The following RSPH6A variants were observed in gnomAD, a reference collection of about 807,000 sequenced individuals.
RSPH6A encodes the protein radial spoke head protein 6 homolog A.
RSPH6A carries 49 observed loss-of-function variants against 66.1 expected under a neutral mutation model. That is an observed-to-expected ratio of 0.74 (90% CI 0.59 to 0.94). The LOEUF (loss-of-function observed/expected upper bound fraction) is 0.94. Ranked by LOEUF, RSPH6A falls within the 40% of genes least tolerant of loss-of-function variation. The pLI is 0.00. For synonymous variants in RSPH6A, 419 were observed against 402.4 expected, an observed-to-expected ratio of 1.04 and a Z score of -0.49; for missense variants, 977 against 948.3, an observed-to-expected ratio of 1.03 and a Z score of -0.40.
At chr19:45,811,916 G>A (rs1363015201) in intron 1 of RSPH6A, among the ~76,000 whole-genome samples, 2 of 150,496 alleles carry the variant, frequency 1.3e-5, no homozygotes, top group East Asian at 3.9e-4. Context: ...GAGTAGCTGG[G>A]ACTACAGGTG....
At chr19:45,796,670 G>A (rs1004928257) in intron 5 of RSPH6A, among the ~76,000 whole-genome samples, 8 of 151,612 alleles carry the variant, frequency 5.3e-5, no homozygotes, top group Admixed American at 1.3e-4. Flanking sequence ...ACACCACCTC[G>A]CCCAGCTAAT....
intron 3 of RSPH6A, among the ~76,000 whole-genome samples, chr19:45,803,993 C>CA (rs55863032): frequency 0.011 from 1,175 of 103,258 alleles, 14 homozygotes; most frequent in African/African-American, 0.029. Context: ...GACTCTGTCT[C>CA]AAAAAAAAAA....
chr19:45,805,139 G>T, intron 2 of RSPH6A, 123 bp from the exon 3 acceptor site: 2 of 785,654 alleles, frequency 2.5e-6, no homozygotes, highest in Non-Finnish European at 4.0e-6. Context: ...GCTCACGCCT[G>T]TAATCCCAGC....
chr19:45,809,002 G>GT (rs1600478142), intron 2 of RSPH6A, among the ~76,000 whole-genome samples: 5 of 83,732 alleles, frequency 6.0e-5, no homozygotes, highest in African/African-American at 1.2e-4. Flanking sequence ...TTTGTTTTTT[G>GT]CTTTTTTTTT....
intron 4 of RSPH6A, 66 bp from the exon 5 acceptor site, chr19:45,800,629 C>T (rs1289500524): frequency 7.3e-7 from 1 of 1,367,522 alleles, no homozygotes; most frequent in Non-Finnish European, 1.0e-6. Context: ...TGCACTGCAC[C>T]CTGAAGGAAG....
Position 45,804,343 on chromosome 19 carries a change from T to C in RSPH6A, c.1562A>G (p.Glu521Gly). 6.2e-7 allele frequency: 1 copy of C among 1,614,206 alleles called. No homozygotes were observed. Among genetic ancestry groups the C allele is most frequent in the South Asian group, 1.1e-5 (1 of 91,086 alleles). Residue 521 changes from glutamate to glycine, a missense_variant, in exon 3 of 6, where the codon GAG becomes GGG. Physicochemically the swap from Glu to Gly is moderately conservative, Grantham distance 98 (BLOSUM62 -2). Coordinates refer to ENST00000221538, the MANE Select transcript of RSPH6A (RefSeq NM_030785.4). This position sits in a 1 kb window ranked among gnomAD's most constrained non-coding sequence, Gnocchi z 5.8. The part of the protein sequence containing the change: ...EEGGAGRDSY[E>G]ENPDFEGIPV... ...GATGCCCTCGAAGTCCGGGTTCTCC[T>C]CGTAGGAGTCGCGCCCAGCACCACC...
Position 45,804,489 on chromosome 19 carries a change from G to T in RSPH6A, c.1416C>A (p.Pro472=). ...GGTAGTTGGCCTCGTTGCCCGGGAA[G>T]GGTGGGTAGCTGACGACTGGCGTGT... ...YLDTPVVSYP[P]FPGNEANYLR... The change falls in exon 3 of 6, where the codon CCC becomes CCA. Residue 472 remains proline (P), a synonymous_variant. Coordinates refer to ENST00000221538, the MANE Select transcript of RSPH6A (RefSeq NM_030785.4). This position sits in a 1 kb window ranked among gnomAD's most constrained non-coding sequence, Gnocchi z 5.8. 1 of 1,614,180 alleles carries T rather than the reference G, an allele frequency of 6.2e-7. No homozygotes were observed. Among genetic ancestry groups the T allele is most frequent in the Admixed American group, 1.7e-5 (1 of 60,026 alleles).
At chr19:45,810,110 A>G (rs556111208) in intron 2 of RSPH6A, among the ~76,000 whole-genome samples, 2 of 152,216 alleles carry the variant, frequency 1.3e-5, no homozygotes, top group South Asian at 4.2e-4. Flanking sequence ...AGAGTTCAAG[A>G]CCAACCCGGC....
At chr19:45,809,662 A>G (rs371707611) in intron 2 of RSPH6A, among the ~76,000 whole-genome samples, 2 of 152,286 alleles carry the variant, frequency 1.3e-5, no homozygotes, top group East Asian at 1.9e-4. Context: ...AAACAGCAAC[A>G]CCTGCCGTGC....
At chr19:45,806,999 T>G (rs951092115) in intron 2 of RSPH6A, among the ~76,000 whole-genome samples, 1 of 150,638 alleles carries the variant, frequency 6.6e-6, no homozygotes, top group Non-Finnish European at 1.5e-5. Context: ...GTTCAAGCCA[T>G]TCTCCTGCCT....
chr19:45,811,030 T>C, intron 1 of RSPH6A, 190 bp from the exon 2 acceptor site: 2 of 441,190 alleles, frequency 4.5e-6, no homozygotes, highest in South Asian at 9.5e-5. Context: ...AGTCTTGCTC[T>C]GTTGCTCAGG....
At chr19:45,799,600 G>A (rs547988726) in intron 5 of RSPH6A, among the ~76,000 whole-genome samples, 17 of 151,320 alleles carry the variant, frequency 1.1e-4, no homozygotes, top group African/African-American at 3.9e-4. Flanking sequence ...CTGGTCTCAA[G>A]CTCCTGGGCT....
chr19:45,804,438 C>T lies in RSPH6A; in HGVS notation c.1467G>A (p.Ser489=), dbSNP rs146411467. The change falls in exon 3 of 6, where the codon TCG becomes TCA. Residue 489 remains serine (S), a synonymous_variant. Transcript: ENST00000221538. This position sits in a 1 kb window ranked among gnomAD's most constrained non-coding sequence, Gnocchi z 5.8. ...NYLRAQIARI[S]AATQVSPLGF... is the part of the protein sequence containing the mutation. ...CCAGCGGGCTGACCTGCGTGGCGGC[C>T]GAGATGCGGGCTATCTGGGCCCGCA... The T allele has an allele frequency of 4.8e-5, 78 of 1,613,990 alleles. No individual in the cohort carries two copies. In the Middle Eastern group the frequency reaches 8.2e-4, roughly 17 times the overall value.
intron 5 of RSPH6A, among the ~76,000 whole-genome samples, chr19:45,798,705 G>C (rs1458143161): frequency 6.6e-6 from 1 of 151,388 alleles, no homozygotes; most frequent in East Asian, 2.0e-4. Flanking sequence ...TGGGCATGGT[G>C]GCGAGCACCT....
Position 45,804,253 on chromosome 19 carries a change from T to A in RSPH6A, c.1652A>T (p.Gln551Leu), listed in dbSNP as rs765257237. 3.1e-6 allele frequency: 5 copies of A among 1,599,088 alleles called. No individual in the cohort carries two copies. Among genetic ancestry groups the A allele is most frequent in the Non-Finnish European group, 4.3e-6 (5 of 1,169,264 alleles). Reference protein sequence around the residue: ...WVHHTQHILPQGRCTWVNPLQ... With the variant: ...WVHHTQHILPLGRCTWVNPLQ... ...AGAGGCGGGAGTCCCGGCGCTCACC[T>A]GCGGCAGGATGTGCTGTGTGTGATG... The change falls in exon 3 of 6, where the codon CAG becomes CTG. Residue 551 changes from glutamine to leucine, a missense_variant and splice_region_variant. Coordinates refer to ENST00000221538, the MANE Select transcript of RSPH6A (RefSeq NM_030785.4). The surrounding 1 kb of genome is among the most constrained non-coding windows in gnomAD (Gnocchi z 5.8).
At position 45,798,614 on chromosome 19, in the gene RSPH6A, G is replaced by A. The variant is rs552610370; in HGVS notation, c.1916+1832C>T. On this transcript the variant is annotated intron_variant, in intron 5 of 5. Transcript: ENST00000221538. ...AGCCCTTTGGGAGGCCGAGGTGGGC[G>A]GATCATGAGGTCAGGAGATTGAGAC... is the stretch of plus-strand genomic sequence containing the variant. Among the ~76,000 whole-genome samples the A allele has an allele frequency of 7.9e-5, 12 of 151,210 alleles. No homozygotes were observed. The East Asian group carries it at 1.2e-3, about 15-fold the overall frequency.
chr19:45,802,206 TCC>T lies in RSPH6A; in HGVS notation c.1710_1711del (p.Glu571GlyfsTer7). The T allele has an allele frequency of 6.5e-7, 1 of 1,546,170 alleles. No homozygotes were observed. The highest frequency in any genetic ancestry group is 8.8e-7 in the Non-Finnish European group (1 of 1,141,762). On this transcript the variant is annotated frameshift_variant, in exon 4 of 6. Transcript: ENST00000221538. LOFTEE classifies it high-confidence loss of function. Reference sequence around the variant, plus strand: ...CCCCTCATCTGCCTTCTCTTCCTCCTCCCCCAGGTCCTCCTCCTCCTCTGTCT... The same window carrying T: ...CCCCTCATCTGCCTTCTCTTCCTCCTCCCAGGTCCTCCTCCTCCTCTGTCT...
chr19:45,804,205 G>GC lies in RSPH6A; in HGVS notation c.1653+46dup. ...GTCAGTATTGCAGGGTCATGCGTGA[G>GC]CCCCCTGCTCCTGCCGTTTGTGAGA... On this transcript the variant is annotated intron_variant, in intron 3 of 5. Transcript: ENST00000221538. This position sits in a 1 kb window ranked among gnomAD's most constrained non-coding sequence, Gnocchi z 5.8. 2 of 1,484,750 alleles carry GC rather than the reference G, an allele frequency of 1.3e-6. No homozygotes were observed. Among genetic ancestry groups the GC allele is most frequent in the Non-Finnish European group, 9.2e-7 (1 of 1,084,828 alleles). 92.0% of individuals were successfully genotyped at this position (1,484,750 alleles called of 1,614,324 possible).
chr19:45,804,816 CCGGAA>C lies in RSPH6A; in HGVS notation c.1084_1088del (p.Phe362GlyfsTer42). ...CCTCCTCTGCCTCCTCCTCGCCCTC[CCGGAA>C]TTCCACCTCGGCCACCAGGTAGCTG... On this transcript the variant is annotated frameshift_variant, in exon 3 of 6. Transcript: ENST00000221538. LOFTEE classifies it high-confidence loss of function. This position sits in a 1 kb window ranked among gnomAD's most constrained non-coding sequence, Gnocchi z 5.8. 1 of 1,614,164 alleles carries C rather than the reference CCGGAA, an allele frequency of 6.2e-7. No homozygotes were observed. Among genetic ancestry groups the C allele is most frequent in the Non-Finnish European group, 8.5e-7 (1 of 1,180,010 alleles).
Sources: gnomAD v4.1 joint callset for allele counts (sites outside exome capture counted in the v4.1 genomes callset) on GRCh38, gnomAD v4.1.1 for gene constraint, Gnocchi (gnomAD v3.1) non-coding constraint, MANE v1.5 for transcripts, NCBI Gene and HGNC (gene_info 2026-07-23, HGNC 2026-07-21) for gene names.